The following NXN variants were observed in gnomAD, a reference collection of about 807,000 sequenced individuals.
The protein encoded by NXN is nucleoredoxin 1.
NXN carries 16 observed loss-of-function variants against 48.6 expected under a neutral mutation model. The observed-to-expected ratio is 0.33, with a 90% CI of 0.22 to 0.50. The LOEUF is 0.50. Ranked by LOEUF, NXN falls within the 20% of genes least tolerant of loss-of-function variation. The pLI, the probability that NXN is intolerant of heterozygous loss-of-function variation, is 0.98. For synonymous variants in NXN, 281 were observed against 269.6 expected, an observed-to-expected ratio of 1.04 and a Z score of -0.41; for missense variants, 492 against 605.5, an observed-to-expected ratio of 0.81 and a Z score of 1.97.
At chr17:810,685 G>C (rs1354524284) in intron 5 of NXN, among the ~76,000 whole-genome samples, 3 of 152,106 alleles carry the variant, frequency 2.0e-5, no homozygotes, top group South Asian at 4.1e-4. Flanking sequence ...AGGTCAGGAG[G>C]TGGAGACCAG....
chr17:954,080 C>T (rs938722646), intron 1 of NXN, among the ~76,000 whole-genome samples: 8 of 152,290 alleles, frequency 5.3e-5, no homozygotes, highest in Admixed American at 2.6e-4. Flanking sequence ...TGGCATTAGA[C>T]ACGATTCTCA....
At chr17:855,367 G>A (rs973713813) in intron 1 of NXN, among the ~76,000 whole-genome samples, 4 of 152,180 alleles carry the variant, frequency 2.6e-5, no homozygotes, top group Non-Finnish European at 5.9e-5. Flanking sequence ...CGCCCAAGGG[G>A]CTCCAGGACA....
chr17:822,137 G>A (rs2144641262), intron 4 of NXN, among the ~76,000 whole-genome samples: 1 of 151,996 alleles, frequency 6.6e-6, no homozygotes, highest in African/African-American at 2.4e-5. Context: ...AAATTAGCCG[G>A]GCATGGTGGC....
chr17:851,274 A>G (rs1031398590), intron 1 of NXN, among the ~76,000 whole-genome samples: 5 of 152,258 alleles, frequency 3.3e-5, no homozygotes, highest in African/African-American at 1.2e-4. Flanking sequence ...AGCTCCACCC[A>G]AAGTTCCCCG....
chr17:804,096 C>T (rs1911353179), intron 6 of NXN: 1 of 336,476 alleles, frequency 3.0e-6, no homozygotes, highest in Non-Finnish European at 5.5e-6. Context: ...CCATTGAATT[C>T]CTCACAAACC....
chr17:829,344 C>T (rs1913319663), intron 1 of NXN, among the ~76,000 whole-genome samples: 1 of 151,492 alleles, frequency 6.6e-6, no homozygotes, highest in East Asian at 1.9e-4. Flanking sequence ...TAGTAGAGAT[C>T]GGGTTTCACC....
At chr17:979,255 G>A in intron 1 of NXN, 64 bp downstream of exon 1, 1 of 1,251,580 alleles carries the variant, frequency 8.0e-7, no homozygotes, top group Non-Finnish European at 1.0e-6. Context: ...AACGGGCGTG[G>A]GGGGCGGGCA....
intron 6 of NXN, chr17:804,084 T>C (rs1911352107): frequency 2.6e-6 from 1 of 380,028 alleles, no homozygotes; most frequent in Non-Finnish European, 4.8e-6. Flanking sequence ...TAGACAGTCT[T>C]CCCATTGAAT....
At chr17:972,803 G>A (rs964973040) in intron 1 of NXN, among the ~76,000 whole-genome samples, 1 of 152,184 alleles carries the variant, frequency 6.6e-6, no homozygotes, top group East Asian at 1.9e-4. Flanking sequence ...AGGCTGACGC[G>A]GGTGGATCAC....
intron 5 of NXN, among the ~76,000 whole-genome samples, chr17:808,305 ATTT>A (rs10644625): frequency 7.1e-6 from 1 of 140,410 alleles, no homozygotes. Flanking sequence ...TGAAATACAC[ATTT>A]TTTTTTTTTT....
At chr17:957,273 T>G (rs1278198038) in intron 1 of NXN, among the ~76,000 whole-genome samples, 1 of 151,064 alleles carries the variant, frequency 6.6e-6, no homozygotes, top group African/African-American at 2.4e-5. Context: ...AGGAACTTCC[T>G]CTACTTCACA....
At chr17:875,301 G>A (rs1366902992) in intron 1 of NXN, among the ~76,000 whole-genome samples, 1 of 151,998 alleles carries the variant, frequency 6.6e-6, no homozygotes, top group African/African-American at 2.4e-5. Flanking sequence ...CAACCTACTG[G>A]GATTACAGGC....
intron 7 of NXN, 102 bp from the exon 8 acceptor site, chr17:801,233 G>A: frequency 3.3e-6 from 3 of 914,002 alleles, no homozygotes; most frequent in Non-Finnish European, 4.5e-6. Flanking sequence ...CCCGCACCCT[G>A]AAGAGCCGGC....
chr17:976,818 G>A (rs553054567), intron 1 of NXN, among the ~76,000 whole-genome samples: 66 of 151,880 alleles, frequency 4.3e-4, no homozygotes, highest in Non-Finnish European at 8.1e-4. Flanking sequence ...CCAGACTGGG[G>A]TGCAATGGTG....
At chr17:922,201 G>A (rs531506363) in intron 1 of NXN, among the ~76,000 whole-genome samples, 1 of 152,278 alleles carries the variant, frequency 6.6e-6, no homozygotes, top group South Asian at 2.1e-4. Context: ...TAACACTTTG[G>A]GAGGCCGAGG....
intron 1 of NXN, among the ~76,000 whole-genome samples, chr17:843,056 GAAGGA>G (rs1285454240): frequency 9.3e-6 from 1 of 107,320 alleles, no homozygotes; most frequent in African/African-American, 3.9e-5. Flanking sequence ...AAGAAAGAAA[GAAGGA>G]AGAAAGCAAG....
At chr17:951,212 T>C (rs1335337609) in intron 1 of NXN, among the ~76,000 whole-genome samples, 1 of 118,790 alleles carries the variant, frequency 8.4e-6, no homozygotes, top group Non-Finnish European at 1.7e-5. Context: ...AAGCTGGGCG[T>C]GGTAGCGGGC....
chr17:868,772 G>T (rs1219953557), intron 1 of NXN, among the ~76,000 whole-genome samples: 2 of 152,192 alleles, frequency 1.3e-5, no homozygotes, highest in Admixed American at 1.3e-4. Context: ...GATGACAGGC[G>T]TGAGCCACCG....
At chr17:894,851 C>T (rs2068459198) in intron 1 of NXN, among the ~76,000 whole-genome samples, 1 of 152,132 alleles carries the variant, frequency 6.6e-6, no homozygotes, top group Non-Finnish European at 1.5e-5. Context: ...GTGACTGCCT[C>T]AACTTTAAAT....
Sources: allele counts gnomAD v4.1 joint callset (sites outside exome capture counted in the v4.1 genomes callset), GRCh38; gene constraint gnomAD v4.1.1; transcripts MANE v1.5; gene names NCBI Gene and HGNC (gene_info 2026-07-23, HGNC 2026-07-21).